PLD5: variants seen among roughly 807,000 people sequenced by gnomAD.
PLD5 encodes the protein phospholipase D family member 5.
In PLD5, 36 loss-of-function variants were observed where a neutral mutation model predicts 61.1. The observed-to-expected ratio is 0.59, with a 90% CI of 0.45 to 0.78. The LOEUF (loss-of-function observed/expected upper bound fraction) is 0.78, where lower values mean the gene tolerates loss of function less well. PLD5 is among the 30% of genes least tolerant of loss of function. PLD5 has a pLI of 0.00. For missense variants in PLD5, 515 were observed against 644.4 expected, an observed-to-expected ratio of 0.80 and a Z score of 2.17; for synonymous variants, 243 against 242.8, an observed-to-expected ratio of 1.00 and a Z score of -0.01.
chr1:242,215,189 A>T (rs1670097896), intron 5 of PLD5, among the ~76,000 whole-genome samples: 2 of 149,080 alleles, frequency 1.3e-5, no homozygotes, highest in Admixed American at 7.0e-5. Flanking sequence ...TGCCCAGCCT[A>T]TACATCTTCT....
chr1:242,363,064 T>C (rs1393965227), intron 1 of PLD5, among the ~76,000 whole-genome samples: 1 of 152,106 alleles, frequency 6.6e-6, no homozygotes, highest in Non-Finnish European at 1.5e-5. Context: ...AAAATCCTCA[T>C]AGAGAAGCGG....
Position 242,087,620 on chromosome 1 carries a change from T to C in PLD5, c.*2234A>G, listed in dbSNP as rs950818181. On this transcript the variant is annotated 3_prime_UTR_variant, in exon 10 of 10. Coordinates refer to ENST00000536534, the MANE Select transcript of PLD5 (RefSeq NM_001372062.1). ...TTCCTTCTTTCCTTTCTGTATTTAT[T>C]TATTTTTAGAGGCAGGATCTTGCTA... 1 of 152,222 alleles carries C rather than the reference T, an allele frequency of 6.6e-6. No individual in the cohort carries two copies. Among genetic ancestry groups the C allele is most frequent in the African/African-American group, 2.4e-5 (1 of 41,438 alleles). The allele number at this position is 152,222 out of a possible 1,614,324, so 9.4% of individuals were successfully genotyped here. A position where few individuals can be genotyped will look rare whatever the true frequency, so the allele number is the denominator to read the frequency against.
At chr1:242,249,467 A>T (rs1292461369) in intron 4 of PLD5, among the ~76,000 whole-genome samples, 2 of 152,234 alleles carry the variant, frequency 1.3e-5, no homozygotes, top group Non-Finnish European at 2.9e-5. Flanking sequence ...TAGCAACACA[A>T]AATGGACGAA....
intron 2 of PLD5, among the ~76,000 whole-genome samples, chr1:242,343,257 A>G (rs753109031): frequency 1.7e-4 from 26 of 152,004 alleles, no homozygotes; most frequent in Non-Finnish European, 3.5e-4. Context: ...CGATAAAGTA[A>G]TAAGATCTCA....
At chr1:242,404,874 A>ATTTTTTTTTTTTTTTT (rs1664138985) in intron 1 of PLD5, among the ~76,000 whole-genome samples, 1 of 70,032 alleles carries the variant, frequency 1.4e-5, no homozygotes, top group Non-Finnish European at 2.7e-5. Context: ...GTTCCCTGCT[A>ATTTTTTTTTTTTTTTT]ATTTTTTTTT....
intron 2 of PLD5, among the ~76,000 whole-genome samples, chr1:242,306,003 G>C (rs1676328566): frequency 6.6e-6 from 1 of 152,172 alleles, no homozygotes; most frequent in South Asian, 2.1e-4. Flanking sequence ...CCCGCCACCT[G>C]GACCCAGGCA....
intron 1 of PLD5, among the ~76,000 whole-genome samples, chr1:242,446,932 A>G (rs1319362137): frequency 6.6e-6 from 1 of 151,940 alleles, no homozygotes; most frequent in Non-Finnish European, 1.5e-5. Context: ...ATTTATTCCC[A>G]CCCTGGCATT....
rs1673610718 is a variant in PLD5, at chr1:242,265,412, A to C, written c.532T>G (p.Ser178Ala). 6.2e-7 allele frequency: 1 copy of C among 1,612,466 alleles called. No homozygotes were observed. The change falls in exon 4 of 10, where the codon TCG becomes GCG. Residue 178 changes from serine to alanine, a missense_variant. Physicochemically the swap from Ser to Ala is moderately conservative, Grantham distance 99. Around this residue, in one of 2 missense-constraint regions of PLD5, gnomAD observed 450 missense variants for 598.1 expected, o/e 0.75. Coordinates refer to ENST00000536534, the MANE Select transcript of PLD5 (RefSeq NM_001372062.1). ...RLFEKLLQLT[S>A]QNIEIKLVSD... ...ACTAGCTTGATTTCAATATTTTGCG[A>C]AGTCAGCTGGAGCAACTTTTCAAAA...
At chr1:242,099,313 G>A (rs557556084) in intron 9 of PLD5, among the ~76,000 whole-genome samples, 12 of 151,960 alleles carry the variant, frequency 7.9e-5, no homozygotes, top group Non-Finnish European at 1.3e-4. Context: ...TTTTAGTAAC[G>A]ACAGGTTTTC....
At chr1:242,377,472 C>T in intron 1 of PLD5, 3 of 700,478 alleles carry the variant, frequency 4.3e-6, no homozygotes, top group Non-Finnish European at 7.6e-6. Context: ...TTCTTTAATT[C>T]TTTAATAGTA....
At chr1:242,419,572 ATTTTTTT>A (rs767869905) in intron 1 of PLD5, among the ~76,000 whole-genome samples, 4 of 97,090 alleles carry the variant, frequency 4.1e-5, no homozygotes, top group South Asian at 3.6e-4. Flanking sequence ...AATTTTTTGC[ATTTTTTT>A]TTTTTTTTTT....
At chr1:242,189,730 G>A (rs1239329703) in intron 5 of PLD5, among the ~76,000 whole-genome samples, 1 of 152,202 alleles carries the variant, frequency 6.6e-6, no homozygotes, top group Non-Finnish European at 1.5e-5. Flanking sequence ...GGGTGGACAA[G>A]CTGGGGAGGT....
intron 4 of PLD5, among the ~76,000 whole-genome samples, chr1:242,243,562 A>G (rs530197657): frequency 6.6e-6 from 1 of 152,182 alleles, no homozygotes; most frequent in East Asian, 1.9e-4. Flanking sequence ...TTTATTGAGC[A>G]CTGGTAGTTC....
intron 1 of PLD5, among the ~76,000 whole-genome samples, chr1:242,426,476 A>T (rs1665434118): frequency 2.6e-5 from 4 of 152,268 alleles, no homozygotes; most frequent in Admixed American, 2.0e-4. Context: ...GACTGGTAGT[A>T]CAGTAGGTGA....
At chr1:242,483,774 C>T (rs1271676040) in intron 1 of PLD5, among the ~76,000 whole-genome samples, 1 of 152,272 alleles carries the variant, frequency 6.6e-6, no homozygotes, top group South Asian at 2.1e-4. Flanking sequence ...CAGCACCACA[C>T]CACACCTATT....
chr1:242,301,110 C>A (rs1315043062), intron 2 of PLD5, among the ~76,000 whole-genome samples: 1 of 152,120 alleles, frequency 6.6e-6, no homozygotes, highest in Admixed American at 6.6e-5. Flanking sequence ...TCTTGGGAGA[C>A]CTATCCCACC....
At position 242,524,540 on chromosome 1, in the gene PLD5, G is replaced by GCGGGGA. The variant is rs1279577601; in HGVS notation, c.-265_-264insTCCCCG. Reference sequence around the variant, plus strand: ...GGTGCGGGCGGGGGCGGGGGCGGGGGCGGAGGGGGACGGACGGGGAGAAGG... The same window carrying GCGGGGA: ...GGTGCGGGCGGGGGCGGGGGCGGGGGCGGGGACGGAGGGGGACGGACGGGGAGAAGG... On this transcript the variant is annotated 5_prime_UTR_variant, in exon 1 of 10. Transcript: ENST00000536534. 1 of 109,744 alleles carries GCGGGGA rather than the reference G, an allele frequency of 9.1e-6. No individual in the cohort carries two copies. Among genetic ancestry groups the GCGGGGA allele is most frequent in the African/African-American group, 3.6e-5 (1 of 27,808 alleles). The allele number at this position is 109,744 out of a possible 1,614,324, so 6.8% of individuals were successfully genotyped here.
chr1:242,530,342 T>C, the PLD5 span, among the ~76,000 whole-genome samples: 34,595 of 152,214 alleles, frequency 0.23, 4,108 homozygotes, highest in African/African-American at 0.26. Flanking sequence ...GGCCTTGCAG[T>C]AGAGCCTTGG....
At chr1:242,110,640 T>C (rs575710860) in intron 7 of PLD5, among the ~76,000 whole-genome samples, 1 of 152,228 alleles carries the variant, frequency 6.6e-6, no homozygotes, top group East Asian at 1.9e-4. Context: ...TGAAACCCCA[T>C]CTCTACTAAA....
Sources: allele counts gnomAD v4.1 joint callset (sites outside exome capture counted in the v4.1 genomes callset), GRCh38; gene constraint gnomAD v4.1.1; regional missense constraint gnomAD v4.1.1; transcripts MANE v1.5; gene names NCBI Gene and HGNC (gene_info 2026-07-23, HGNC 2026-07-21).